The following ZNF345 variants were observed in gnomAD, a reference collection of about 807,000 sequenced individuals.
The protein encoded by ZNF345 is zinc finger protein 345.
For synonymous variants in ZNF345, 166 were observed against 187.9 expected (o/e 0.88, Z 0.95); for missense variants, 527 against 589.9 (o/e 0.89, Z 1.10).
intron 2 of ZNF345, among the ~76,000 whole-genome samples, chr19:36,857,443 A>G (rs1000141647): frequency 3.3e-5 from 5 of 152,114 alleles, no homozygotes; most frequent in African/African-American, 1.2e-4. Flanking sequence ...AGTAGCTGGG[A>G]CTACAGGCGC....
downstream of ZNF345, among the ~76,000 whole-genome samples, chr19:36,883,182 C>T (rs2072978445): frequency 6.6e-6 from 1 of 152,120 alleles, no homozygotes; most frequent in Non-Finnish European, 1.5e-5. Flanking sequence ...TGGAGAACAC[C>T]ATATATCTAT....
chr19:36,863,471 A>G (rs113211655), intron 2 of ZNF345, among the ~76,000 whole-genome samples: 2,599 of 152,312 alleles, frequency 0.017, 83 homozygotes, highest in African/African-American at 0.059. Flanking sequence ...TAGGAGTTCA[A>G]GATTGCCAGT....
At chr19:36,893,163 A>G (rs1048900091), downstream of ZNF345, 2 of 393,414 alleles carry the variant, frequency 5.1e-6, no homozygotes, top group Non-Finnish European at 9.0e-6. Context: ...TGACTGTGCA[A>G]TGGTATACTG....
chr19:36,884,555 C>A (rs1344085167), downstream of ZNF345, among the ~76,000 whole-genome samples: 1 of 152,122 alleles, frequency 6.6e-6, no homozygotes, highest in African/African-American at 2.4e-5. Flanking sequence ...CTCACCTTAG[C>A]CTTTGGTTTC....
chr19:36,858,071 C>T (rs747412857), intron 2 of ZNF345, among the ~76,000 whole-genome samples: 3 of 152,272 alleles, frequency 2.0e-5, no homozygotes, highest in Admixed American at 1.3e-4. Context: ...TGAGCCACTG[C>T]GCCTGGCCTA....
At chr19:36,880,678 T>A (rs976692057), downstream of ZNF345, among the ~76,000 whole-genome samples, 6 of 152,114 alleles carry the variant, frequency 3.9e-5, no homozygotes, top group Non-Finnish European at 8.8e-5. Flanking sequence ...TACCAGAGGC[T>A]GAGGTGGGAG....
intron 2 of ZNF345, among the ~76,000 whole-genome samples, chr19:36,858,682 C>T (rs1051463541): frequency 4.6e-5 from 7 of 152,080 alleles, no homozygotes; most frequent in Admixed American, 1.3e-4. Context: ...CATGAGACCC[C>T]TTGAACCTGG....
downstream of ZNF345, among the ~76,000 whole-genome samples, chr19:36,884,189 G>A (rs903154939): frequency 1.3e-5 from 2 of 151,850 alleles, no homozygotes; most frequent in Non-Finnish European, 2.9e-5. Flanking sequence ...CCTCAGCCTC[G>A]TGAGTAGCTG....
At chr19:36,874,340 A>G (rs1236387273) in intron 2 of ZNF345, among the ~76,000 whole-genome samples, 2 of 152,230 alleles carry the variant, frequency 1.3e-5, no homozygotes, top group East Asian at 3.9e-4. Flanking sequence ...CTGAAAATAC[A>G]AAAATCAGCC....
At chr19:36,871,471 A>G (rs2072770647) in intron 2 of ZNF345, among the ~76,000 whole-genome samples, 1 of 152,160 alleles carries the variant, frequency 6.6e-6, no homozygotes, top group South Asian at 2.1e-4. Flanking sequence ...GGACATCTTC[A>G]CATTTTACCA....
At chr19:36,869,580 C>A (rs140196094) in intron 2 of ZNF345, among the ~76,000 whole-genome samples, 1 of 152,268 alleles carries the variant, frequency 6.6e-6, no homozygotes, top group Non-Finnish European at 1.5e-5. Context: ...CTCGGGTCCA[C>A]CATGAGTTAC....
At chr19:36,873,717 T>C (rs1600712408) in intron 2 of ZNF345, among the ~76,000 whole-genome samples, 1 of 151,506 alleles carries the variant, frequency 6.6e-6, no homozygotes, top group East Asian at 1.9e-4. Flanking sequence ...ATTCTACATA[T>C]AAGTGAGATC....
In ZNF345 at chr19:36,877,332, C is replaced by G; in HGVS notation, c.502C>G (p.His168Asp). The G allele has an allele frequency of 6.2e-7, 1 of 1,613,982 alleles. No homozygotes were observed. The highest frequency in any genetic ancestry group is 1.1e-5 in the South Asian group (1 of 91,064). ...GSGLIRHQII[H>D]SGEKPYECKE... ...AGGCCTTATTCGACATCAGATCATT[C>G]ACAGTGGTGAGAAGCCTTATGAGTG... The change falls in exon 3 of 3, where the codon CAC becomes GAC. Residue 168 changes from histidine to aspartate, a missense_variant. By Grantham distance (81) the His-to-Asp change is moderately conservative. Coordinates refer to ENST00000420450, the MANE Select transcript of ZNF345 (RefSeq NM_001242472.2).
chr19:36,873,862 C>A (rs1353136403), intron 2 of ZNF345, among the ~76,000 whole-genome samples: 2 of 152,018 alleles, frequency 1.3e-5, no homozygotes, highest in Non-Finnish European at 2.9e-5. Flanking sequence ...ACAATTTCTT[C>A]ATCTGTTCAT....
intron 2 of ZNF345, among the ~76,000 whole-genome samples, chr19:36,863,420 G>A (rs1376866227): frequency 1.3e-5 from 2 of 152,168 alleles, no homozygotes; most frequent in Non-Finnish European, 2.9e-5. Context: ...ATGCTGGATT[G>A]CAAGTTATTT....
In ZNF345 at chr19:36,876,974, C is replaced by T. The variant is rs2072893080; in HGVS notation, c.144C>T (p.Phe48=). Residue 48 remains phenylalanine (F), a synonymous_variant, in exon 3 of 3, where the codon TTC becomes TTT. Transcript: ENST00000420450. The part of the protein sequence containing the change: ...MIFTPEDMPT[F]SIQHQRIHTD... ...TTACTCCTGAAGACATGCCCACTTT[C>T]AGTATCCAGCATCAGAGAATTCATA... The T allele has an allele frequency of 6.2e-7, 1 of 1,614,158 alleles. No homozygotes were observed. Among genetic ancestry groups the T allele is most frequent in the South Asian group, 1.1e-5 (1 of 91,080 alleles).
chr19:36,856,068 T>C (rs1253850431), intron 2 of ZNF345, among the ~76,000 whole-genome samples: 1 of 152,238 alleles, frequency 6.6e-6, no homozygotes, highest in African/African-American at 2.4e-5. Context: ...AAATAACTTA[T>C]GTGCACAACA....
downstream of ZNF345, among the ~76,000 whole-genome samples, chr19:36,884,516 G>A (rs556346317): frequency 6.6e-6 from 1 of 152,262 alleles, no homozygotes; most frequent in East Asian, 1.9e-4. Flanking sequence ...GCTACAATGT[G>A]TACTGATAAG....
Position 36,877,980 on chromosome 19 carries a change from A to C in ZNF345, c.1150A>C (p.Lys384Gln). The change falls in exon 3 of 3, where the codon AAA (lysine) becomes CAA (glutamine). Residue 384 changes from lysine (K) to glutamine (Q), a missense_variant. Coordinates refer to ENST00000420450, the MANE Select transcript of ZNF345 (RefSeq NM_001242472.2). Reference protein sequence around the residue: ...ECGKAFGSGSKLIQHQLIHTG... With the variant: ...ECGKAFGSGSQLIQHQLIHTG... ...TGGGAAGGCCTTTGGTAGTGGCTCA[A>C]AACTTATCCAACACCAGCTAATCCA... 6.2e-7 allele frequency: 1 copy of C among 1,613,916 alleles called. No homozygotes were observed. The highest frequency in any genetic ancestry group is 2.2e-5 in the East Asian group (1 of 44,848).
Sources: allele counts gnomAD v4.1 joint callset (sites outside exome capture counted in the v4.1 genomes callset), GRCh38; gene constraint gnomAD v4.1.1; transcripts MANE v1.5; gene names NCBI Gene and HGNC (gene_info 2026-07-23, HGNC 2026-07-21).